The following RARB variants were observed in gnomAD, a reference collection of about 807,000 sequenced individuals.
RARB encodes the protein HBV-activated protein.
In RARB, 17 loss-of-function variants were observed where a neutral mutation model predicts 51.9. That is an observed-to-expected ratio of 0.33 (90% confidence interval 0.22 to 0.49). The LOEUF is 0.49. Among genes scored for constraint, RARB ranks in the 20% least tolerant of loss-of-function variants. The pLI, the probability that RARB is intolerant of heterozygous loss-of-function variation, is 0.99. For missense variants in RARB, 369 were observed against 550.8 expected, an observed-to-expected ratio of 0.67 and a Z score of 3.30; for synonymous variants, 215 against 195.4, an observed-to-expected ratio of 1.10 and a Z score of -0.84.
intron 5 of RARB, among the ~76,000 whole-genome samples, chr3:25,346,674 C>A (rs1461103931): frequency 1.3e-5 from 2 of 152,206 alleles, no homozygotes; most frequent in African/African-American, 4.8e-5. Context: ...TGGCTGATTG[C>A]TGCCTCCGTC....
At chr3:25,203,552 T>G (rs566651177) in intron 5 of RARB, among the ~76,000 whole-genome samples, 12 of 152,334 alleles carry the variant, frequency 7.9e-5, no homozygotes, top group African/African-American at 2.9e-4. Context: ...TTCGGCATGT[T>G]TTTGCAGTGG....
In RARB at chr3:25,338,832, C is replaced by T. The variant is rs549074426; in HGVS notation, c.179-122361C>T. 1.5e-4 allele frequency among the ~76,000 whole-genome samples: 23 copies of T among 152,250 alleles called. No homozygotes were observed. The South Asian group carries it at 1.9e-3, about 12-fold the overall frequency. On this transcript the variant is annotated intron_variant, in intron 5 of 11. Transcript: ENST00000383772. ...TAGTCCTTGGTAAGTGGCCACTACC[C>T]TGAGCCTTTCCTCACCAGGGTCACC...
chr3:25,106,710 C>T (rs1444501771), intron 3 of RARB, among the ~76,000 whole-genome samples: 1 of 151,552 alleles, frequency 6.6e-6, no homozygotes, highest in Non-Finnish European at 1.5e-5. Flanking sequence ...TATTGTAACA[C>T]TTTCCTACTT....
chr3:25,558,162 A>G (rs1253750231), intron 3 of RARB, among the ~76,000 whole-genome samples: 1 of 152,192 alleles, frequency 6.6e-6, no homozygotes, highest in African/African-American at 2.4e-5. Flanking sequence ...TACACAAAAA[A>G]CATGTTTTCA....
intron 5 of RARB, among the ~76,000 whole-genome samples, chr3:25,305,275 G>C (rs1704128610): frequency 6.6e-6 from 1 of 151,984 alleles, no homozygotes; most frequent in Non-Finnish European, 1.5e-5. Flanking sequence ...GAGGTTTTAA[G>C]GAAAAAGAGA....
chr3:25,284,249 T>C (rs1703595796), intron 5 of RARB, among the ~76,000 whole-genome samples: 1 of 152,098 alleles, frequency 6.6e-6, no homozygotes, highest in African/African-American at 2.4e-5. Context: ...CACTCAGGCC[T>C]GTAGATGACT....
At chr3:25,415,179 C>A (rs1707668995) in intron 5 of RARB, among the ~76,000 whole-genome samples, 1 of 152,094 alleles carries the variant, frequency 6.6e-6, no homozygotes, top group Non-Finnish European at 1.5e-5. Flanking sequence ...CAGAGTCTTC[C>A]AAAGAATAGA....
chr3:25,103,027 A>T (rs1186304513), intron 3 of RARB, among the ~76,000 whole-genome samples: 1 of 152,158 alleles, frequency 6.6e-6, no homozygotes, highest in Non-Finnish European at 1.5e-5. Flanking sequence ...TAGAACTGCT[A>T]GACTAGAGAA....
chr3:25,297,561 C>G (rs936571179), intron 5 of RARB, among the ~76,000 whole-genome samples: 1 of 151,920 alleles, frequency 6.6e-6, no homozygotes, highest in Non-Finnish European at 1.5e-5. Flanking sequence ...TAATCTGAAA[C>G]AGCTTTTATC....
chr3:25,353,965 A>G (rs924372438), intron 5 of RARB, among the ~76,000 whole-genome samples: 10 of 151,972 alleles, frequency 6.6e-5, no homozygotes, highest in African/African-American at 1.9e-4. Context: ...ATGTTCATGC[A>G]TTTTTCTGGG....
chr3:25,288,697 A>G (rs1323444603), intron 5 of RARB, among the ~76,000 whole-genome samples: 3 of 152,106 alleles, frequency 2.0e-5, no homozygotes, highest in African/African-American at 7.2e-5. Context: ...AACAGAAGAG[A>G]GCCAAGCAGA....
chr3:25,141,218 T>C (rs1559480937), intron 4 of RARB, among the ~76,000 whole-genome samples: 3 of 152,124 alleles, frequency 2.0e-5, no homozygotes, highest in Admixed American at 1.3e-4. Context: ...GGGAAACTCA[T>C]AAACGTTCTT....
At chr3:25,117,096 T>G (rs912770065) in intron 3 of RARB, among the ~76,000 whole-genome samples, 9 of 152,190 alleles carry the variant, frequency 5.9e-5, no homozygotes, top group Admixed American at 3.3e-4. Flanking sequence ...CCAGTGTTTT[T>G]TGAATGCTTA....
intron 2 of RARB, among the ~76,000 whole-genome samples, chr3:25,498,066 A>G (rs1282624141): frequency 6.6e-6 from 1 of 152,200 alleles, no homozygotes; most frequent in Non-Finnish European, 1.5e-5. Flanking sequence ...AGTATGAGTG[A>G]AATGACATCT....
intron 5 of RARB, among the ~76,000 whole-genome samples, chr3:25,381,933 T>C (rs1706638205): frequency 6.6e-6 from 1 of 152,166 alleles, no homozygotes; most frequent in East Asian, 1.9e-4. Context: ...GAATATAGAA[T>C]GTAGCCGTCT....
intron 1 of RARB, among the ~76,000 whole-genome samples, chr3:25,455,278 T>G (rs1380235787): frequency 6.6e-6 from 1 of 152,168 alleles, no homozygotes; most frequent in African/African-American, 2.4e-5. Context: ...AACTCCTATT[T>G]CCTGGAGATT....
intron 5 of RARB, among the ~76,000 whole-genome samples, chr3:25,208,419 T>C (rs920855795): frequency 1.3e-5 from 2 of 152,166 alleles, no homozygotes; most frequent in African/African-American, 4.8e-5. Flanking sequence ...CTGTTGAATT[T>C]CTCCTGTTGA....
intron 4 of RARB, among the ~76,000 whole-genome samples, chr3:25,162,437 AAAC>A: frequency 6.6e-6 from 1 of 152,232 alleles, no homozygotes. Flanking sequence ...GATATAATTC[AAAC>A]AACAACATTC....
chr3:25,401,394 A>G (rs1327221201), intron 5 of RARB, among the ~76,000 whole-genome samples: 1 of 152,252 alleles, frequency 6.6e-6, no homozygotes, highest in African/African-American at 2.4e-5. Flanking sequence ...AATTTTTCAT[A>G]TACAACGTTC....
Sources: allele counts gnomAD v4.1 joint callset (sites outside exome capture counted in the v4.1 genomes callset), GRCh38; gene constraint gnomAD v4.1.1; transcripts MANE v1.5; gene names NCBI Gene and HGNC (gene_info 2026-07-23, HGNC 2026-07-21).